XYLT2: variants seen among roughly 807,000 people sequenced by gnomAD.
XYLT2 encodes the protein xylosyltransferase 2.
In XYLT2, 37 loss-of-function variants were observed where a neutral mutation model predicts 82.6. That is an observed-to-expected ratio of 0.45 (90% CI 0.34 to 0.59). XYLT2 has a LOEUF of 0.59. Among genes scored for constraint, XYLT2 ranks in the 20% least tolerant of loss-of-function variants. XYLT2 has a pLI of 0.01. For missense variants in XYLT2, 934 were observed against 1,181.3 expected (o/e 0.79, Z 3.07); for synonymous variants, 474 against 499.0 (o/e 0.95, Z 0.67).
intron 4 of XYLT2, 86 bp downstream of exon 4, chr17:50,355,142 C>T (rs1912463197): frequency 7.2e-7 from 1 of 1,396,222 alleles, no homozygotes; most frequent in African/African-American, 1.4e-5. Flanking sequence ...TGGACCTTCT[C>T]TGCCCCATAA....
chr17:50,360,039 T>A lies in XYLT2; in HGVS notation c.2346T>A (p.Ser782Arg). The A allele has an allele frequency of 6.2e-7, 1 of 1,613,812 alleles. No individual in the cohort carries two copies. Among genetic ancestry groups the A allele is most frequent in the Non-Finnish European group, 8.5e-7 (1 of 1,179,948 alleles). Residue 782 changes from serine (S) to arginine (R), a missense_variant, in exon 11 of 11, where the codon AGT becomes AGA. This residue lies in a region of XYLT2 where 374 missense variants were observed against 465.6 expected (regional missense o/e 0.80). Coordinates refer to ENST00000017003, the MANE Select transcript of XYLT2 (RefSeq NM_022167.4). ...EYMEQSFQGL[S>R]SILNLPQPEL... ...TGGAGCAGAGTTTCCAGGGCCTGAGTAGCATCCTGAACCTGCCTCAGCCGG... is the reference window on the plus strand; with the variant it reads ...TGGAGCAGAGTTTCCAGGGCCTGAGAAGCATCCTGAACCTGCCTCAGCCGG...
rs12451299 is a variant in XYLT2 at position 50,354,963 on chromosome 17, G to T, written c.914G>T (p.Arg305Met). The T allele has an allele frequency of 6.3e-6, 10 of 1,583,544 alleles. No homozygotes were observed. In the East Asian group the frequency reaches 2.0e-4, roughly 32 times the overall value. Reference protein sequence around the residue: ...VTIWGGASLLRMYLRSMRDLL... With the variant: ...VTIWGGASLLMMYLRSMRDLL... ...ATCTGGGGCGGGGCCAGCCTCCTGA[G>T]GATGTACCTGCGGAGCATGCGGGAC... Residue 305 changes from arginine to methionine, a missense_variant, in exon 4 of 11, where the codon AGG (arginine) becomes ATG (methionine). Physicochemically the swap from Arg to Met is moderately conservative, Grantham distance 91. Coordinates refer to ENST00000017003, the MANE Select transcript of XYLT2 (RefSeq NM_022167.4).
At chr17:50,347,541 A>G (rs757833526) in intron 1 of XYLT2, among the ~76,000 whole-genome samples, 1 of 152,164 alleles carries the variant, frequency 6.6e-6, no homozygotes, top group East Asian at 1.9e-4. Flanking sequence ...AGAGTGTTTC[A>G]GGCCCAGTGT....
rs1005612245 is a variant in XYLT2 at position 50,356,866 on chromosome 17, G to A, written c.1745+93G>A. 4.0e-6 allele frequency: 6 copies of A among 1,516,876 alleles called. No homozygotes were observed. In the East Asian group the frequency reaches 1.1e-4, roughly 29 times the overall value. 94.0% of individuals were successfully genotyped at this position (1,516,876 alleles called of 1,614,324 possible). On this transcript the variant is annotated intron_variant, in intron 8 of 10. Transcript: ENST00000017003. ...AGTGACGTCCCCTGCCCACAACAAG[G>A]CCCCAGTCTGAAGCAGGGAAAAATG...
intron 7 of XYLT2, 45 bp downstream of exon 7, chr17:50,356,306 T>C (rs1268227319): frequency 6.3e-7 from 1 of 1,595,480 alleles, no homozygotes; most frequent in Admixed American, 1.7e-5. Context: ...TCTTCTCCCC[T>C]GGCTTTTCAC....
intron 9 of XYLT2, 112 bp from the exon 10 acceptor site, chr17:50,358,095 A>C: frequency 2.0e-6 from 2 of 989,388 alleles, no homozygotes; most frequent in South Asian, 3.4e-5. Flanking sequence ...GGGGAAACTG[A>C]GGCCCAGAAA....
intron 9 of XYLT2, 51 bp from the exon 10 acceptor site, chr17:50,358,156 G>C (rs893595168): frequency 2.7e-6 from 4 of 1,482,956 alleles, no homozygotes; most frequent in Non-Finnish European, 3.6e-6. Flanking sequence ...TTCAGAGGAG[G>C]GAGAAGGACC....
At position 50,358,453 on chromosome 17, in the gene XYLT2, C is replaced by A; in HGVS notation, c.2188C>A (p.Arg730=). The change falls in exon 10 of 11, where the codon CGA becomes AGA. Residue 730 remains arginine (R), a synonymous_variant. Transcript: ENST00000017003. ...RPLRPGPWTV[R]LLQFWEPLGE... is the part of the protein sequence containing the mutation. The stretch of plus-strand genomic sequence containing the variant: ...CCTGCGGCCAGGGCCCTGGACTGTT[C>A]GACTCCTTCAGTTCTGGGAACCGCT... 1 of 1,614,182 alleles carries A rather than the reference C, an allele frequency of 6.2e-7. No individual in the cohort carries two copies. The highest frequency in any genetic ancestry group is 8.5e-7 in the Non-Finnish European group (1 of 1,180,046).
In XYLT2 at chr17:50,360,118, G is replaced by C. The variant is rs760929594; in HGVS notation, c.2425G>C (p.Glu809Gln). The C allele has an allele frequency of 8.1e-6, 13 of 1,613,922 alleles. No homozygotes were observed. In the East Asian group the frequency reaches 2.7e-4, roughly 33 times the overall value. The change falls in exon 11 of 11, where the codon GAG (glutamate) becomes CAG (glutamine). Residue 809 changes from glutamate (E) to glutamine (Q), a missense_variant. Glu to Gln is a conservative substitution (Grantham distance 29). Around this residue, in one of 3 missense-constraint regions of XYLT2, gnomAD observed 374 missense variants for 465.6 expected, o/e 0.80. Transcript: ENST00000017003. Reference sequence around the variant, plus strand: ...CACACAGCTCACAGGCCCTGCGCTCGAGGCCTGGACAGACAGGGAACTGAG... The same window carrying C: ...CACACAGCTCACAGGCCCTGCGCTCCAGGCCTGGACAGACAGGGAACTGAG... Reference protein sequence around the residue: ...RHTQLTGPALEAWTDRELSSF... With the variant: ...RHTQLTGPALQAWTDRELSSF...
In XYLT2 at chr17:50,358,288, G is replaced by A. The variant is rs147831067; in HGVS notation, c.2023G>A (p.Val675Met). The A allele has an allele frequency of 8.5e-4, 1,374 of 1,613,678 alleles. 13 individuals carry two copies. The African/African-American group carries it at 0.015, about 18-fold the overall frequency. The change falls in exon 10 of 11, where the codon GTG becomes ATG. Residue 675 changes from valine to methionine, a missense_variant. Val to Met is a conservative substitution (Grantham distance 21). Transcript: ENST00000017003. The stretch of plus-strand genomic sequence containing the variant: ...GGGGCCGCTGGACGAGCCTGTGGCC[G>A]TGCAGCGCTGGGCCCGGGGCCCCAA... ...LLGPLDEPVA[V>M]QRWARGPNLT...
rs771892273 is a variant in XYLT2, at chr17:50,354,101, C to T, written c.607C>T (p.Pro203Ser). Residue 203 changes from proline to serine, a missense_variant, in exon 2 of 11, where the codon CCC (proline) becomes TCC (serine). Coordinates refer to ENST00000017003, the MANE Select transcript of XYLT2 (RefSeq NM_022167.4). ...QAGSLMPKAV[P>S]RHCQLTGKMS... is the part of the protein sequence containing the mutation. The stretch of plus-strand genomic sequence containing the variant: ...TGGGAGCCTCATGCCCAAGGCTGTG[C>T]CCCGGCACTGTCAGCTGACTGGTGA... 1.9e-6 allele frequency: 3 copies of T among 1,605,030 alleles called. No individual in the cohort carries two copies. Among genetic ancestry groups the T allele is most frequent in the East Asian group, 2.2e-5 (1 of 44,898 alleles).
chr17:50,355,103 T>C (rs764995882), intron 4 of XYLT2, 47 bp downstream of exon 4: 2 of 1,510,262 alleles, frequency 1.3e-6, no homozygotes, highest in East Asian at 2.3e-5. Flanking sequence ...GGGACCCCTG[T>C]CTGGGCACCT....
At chr17:50,348,301 G>A (rs565316048) in intron 1 of XYLT2, among the ~76,000 whole-genome samples, 4 of 152,198 alleles carry the variant, frequency 2.6e-5, no homozygotes, top group Non-Finnish European at 5.9e-5. Flanking sequence ...GGTCAGGAAA[G>A]GCTTCTCACA....
In XYLT2 at chr17:50,360,572, T is replaced by TTTTTC. The variant is rs1555596858; in HGVS notation, c.*285_*286insCTTTT. 12 of 325,150 alleles carry TTTTTC rather than the reference T, an allele frequency of 3.7e-5. No individual in the cohort carries two copies. The highest frequency in any genetic ancestry group is 4.3e-5 in the Non-Finnish European group (12 of 280,684). The allele number at this position is 325,150 out of a possible 1,614,324, so 20.1% of individuals were successfully genotyped here. A position where few individuals can be genotyped will look rare whatever the true frequency, so the allele number is the denominator to read the frequency against. On this transcript the variant is annotated 3_prime_UTR_variant, in exon 11 of 11. Transcript: ENST00000017003. ...GTCTAGTTTGAATTTCTTTTTTTTC[T>TTTTTC]TTTTTTTTTTTTTTTTTTAATTTAA...
At position 50,356,199 on chromosome 17, in the gene XYLT2, A is replaced by G; in HGVS notation, c.1420A>G (p.Ile474Val). ...GGGCTGCAAGTGCCAGTACAAGCAC[A>G]TTGTGGACTGGTGTGGCTGCTCCCC... ...KLGCKCQYKH[I>V]VDWCGCSPND... The change falls in exon 7 of 11, where the codon ATT (isoleucine) becomes GTT (valine). Residue 474 changes from isoleucine (I) to valine (V), a missense_variant. Ile to Val is a conservative substitution (Grantham distance 29). Transcript: ENST00000017003. 1 of 1,614,224 alleles carries G rather than the reference A, an allele frequency of 6.2e-7. No homozygotes were observed. Among genetic ancestry groups the G allele is most frequent in the South Asian group, 1.1e-5 (1 of 91,090 alleles).
intron 1 of XYLT2, 68 bp from the exon 2 acceptor site, chr17:50,353,562 A>G: frequency 6.6e-7 from 1 of 1,515,830 alleles, no homozygotes; most frequent in Non-Finnish European, 8.8e-7. Context: ...CCCCCAACCA[A>G]GATGGAACTC....
In XYLT2 at chr17:50,346,519, C is replaced by A; in HGVS notation, c.135+244C>A. The stretch of plus-strand genomic sequence containing the variant: ...GGGCCCTGGTGGATTGGGAGTCGGG[C>A]GGGGGGAGCAGGTCATGCTAGGGTG... On this transcript the variant is annotated intron_variant, in intron 1 of 10. Coordinates refer to ENST00000017003, the MANE Select transcript of XYLT2 (RefSeq NM_022167.4). The surrounding 1 kb of genome is among the most constrained non-coding windows in gnomAD (Gnocchi z 5.1). 2 of 876,186 alleles carry A rather than the reference C, an allele frequency of 2.3e-6. No homozygotes were observed. Among genetic ancestry groups the A allele is most frequent in the Non-Finnish European group, 2.7e-6 (2 of 730,394 alleles). The allele number at this position is 876,186 out of a possible 1,614,324, so 54.3% of individuals were successfully genotyped here.
intron 1 of XYLT2, among the ~76,000 whole-genome samples, chr17:50,352,831 T>C (rs959822829): frequency 6.6e-6 from 1 of 152,146 alleles, no homozygotes; most frequent in Non-Finnish European, 1.5e-5. Context: ...AGGGACTGAG[T>C]GTGGAGGTGG....
At chr17:50,357,852 A>G (rs1912615547) in intron 9 of XYLT2, 1 of 234,134 alleles carries the variant, frequency 4.3e-6, no homozygotes. Context: ...AGTGCTGGGA[A>G]TACAAGCGCA....
Sources: allele counts gnomAD v4.1 joint callset (sites outside exome capture counted in the v4.1 genomes callset), GRCh38; gene constraint gnomAD v4.1.1; regional missense constraint gnomAD v4.1.1; non-coding constraint Gnocchi (gnomAD v3.1); transcripts MANE v1.5; gene names NCBI Gene and HGNC (gene_info 2026-07-23, HGNC 2026-07-21).